The following RASA3 variants were observed in gnomAD, a reference collection of about 807,000 sequenced individuals.
RASA3 encodes the protein ras GTPase-activating protein 3.
Under a neutral mutation model 110.0 loss-of-function variants are expected in RASA3, and 73 were observed. That is an observed-to-expected ratio of 0.66 (90% CI 0.55 to 0.81). The LOEUF is 0.81. Among genes scored for constraint, RASA3 ranks in the 30% least tolerant of loss-of-function variants. The pLI is 0.00. For missense variants in RASA3, 976 were observed against 1,113.2 expected (o/e 0.88, Z 1.75); for synonymous variants, 500 against 451.4 (o/e 1.11, Z -1.37).
At chr13:114,013,424 CCT>C (rs1224569246) in intron 14 of RASA3, among the ~76,000 whole-genome samples, 176 bp from the exon 15 acceptor site, 2 of 135,060 alleles carry the variant, frequency 1.5e-5, no homozygotes, top group East Asian at 2.1e-4. Context: ...TCTCTGTTTC[CCT>C]CTCTCTCTCC....
chr13:114,041,828 C>G (rs571618301), intron 3 of RASA3, among the ~76,000 whole-genome samples: 1 of 152,178 alleles, frequency 6.6e-6, no homozygotes, highest in Non-Finnish European at 1.5e-5. Flanking sequence ...AATGAATGAG[C>G]CGCCTTCTGG....
In RASA3 at chr13:114,111,046, C is replaced by T. The variant is rs9562116; in HGVS notation, c.55+21389G>A. Among the ~76,000 whole-genome samples the T allele has an allele frequency of 1.8e-4, 12 of 66,796 alleles. 1 individual carries two copies. The highest frequency in any genetic ancestry group is 1.2e-3 in the Admixed American group (9 of 7,710). The allele number at this position is 66,796 out of a possible 152,430, so 43.8% of individuals were successfully genotyped here. ...GGAACGGCACAAACGAGCTGCAGGC[C>T]GAGTTCTAACGGGCTGAGCCTCAAA... is the stretch of plus-strand genomic sequence containing the variant. On this transcript the variant is annotated intron_variant, in intron 1 of 23. Transcript: ENST00000334062.
chr13:114,010,251 C>G (rs1320090311), intron 16 of RASA3, among the ~76,000 whole-genome samples: 1 of 152,138 alleles, frequency 6.6e-6, no homozygotes, highest in Non-Finnish European at 1.5e-5. Flanking sequence ...GCCCTCATTT[C>G]TACCTGGGCC....
rs922595514 is a variant in RASA3, at chr13:114,000,783, G to A, written c.1849+43C>T. 7 of 1,402,278 alleles carry A rather than the reference G, an allele frequency of 5.0e-6. No homozygotes were observed. The South Asian group carries it at 6.9e-5, about 14-fold the overall frequency. The allele number at this position is 1,402,278 out of a possible 1,614,324, so 86.9% of individuals were successfully genotyped here. ...AAAGCAGACTCAGTCCCAGGGCCCA[G>A]CACGCTCCAGCAAGAGCCAGGGAAA... On this transcript the variant is annotated intron_variant, in intron 19 of 23. Coordinates refer to ENST00000334062, the MANE Select transcript of RASA3 (RefSeq NM_007368.4).
chr13:114,064,059 ATT>A (rs2079405512), intron 2 of RASA3, among the ~76,000 whole-genome samples: 1 of 152,202 alleles, frequency 6.6e-6, no homozygotes, highest in Non-Finnish European at 1.5e-5. Context: ...TAAAAGACAT[ATT>A]ATTTCACAAC....
chr13:114,083,477 G>A (rs923793268), intron 1 of RASA3, among the ~76,000 whole-genome samples: 1 of 152,266 alleles, frequency 6.6e-6, no homozygotes, highest in African/African-American at 2.4e-5. Flanking sequence ...CTGGAGCCCA[G>A]CAGCAATGGC....
At chr13:114,039,050 C>G (rs1415186282) in intron 4 of RASA3, among the ~76,000 whole-genome samples, 1 of 152,264 alleles carries the variant, frequency 6.6e-6, no homozygotes, top group East Asian at 1.9e-4. Flanking sequence ...CAAACCCACC[C>G]AGATGGGAAA....
Position 114,112,742 on chromosome 13 carries a change from G to A in RASA3, c.55+19693C>T, listed in dbSNP as rs183492854. ...TCCTTTCCCACAGCCAAGGTGCCCC[G>A]ACTGCCAGCGTCCACTCCCCGTGGG... On this transcript the variant is annotated intron_variant, in intron 1 of 23. Coordinates refer to ENST00000334062, the MANE Select transcript of RASA3 (RefSeq NM_007368.4). The surrounding 1 kb of genome is among the most constrained non-coding windows in gnomAD (Gnocchi z 4.8). Among the ~76,000 whole-genome samples the A allele has an allele frequency of 1.8e-4, 28 of 152,070 alleles. No homozygotes were observed. The East Asian group carries it at 5.3e-3, about 29-fold the overall frequency.
intron 3 of RASA3, among the ~76,000 whole-genome samples, chr13:114,045,156 G>A (rs1406319796): frequency 1.3e-5 from 2 of 152,184 alleles, no homozygotes; most frequent in African/African-American, 2.4e-5. Context: ...ATGCGTGTTC[G>A]TATCTCCAGA....
intron 1 of RASA3, among the ~76,000 whole-genome samples, chr13:114,121,958 T>C (rs1474511892): frequency 6.6e-6 from 1 of 152,234 alleles, no homozygotes; most frequent in African/African-American, 2.4e-5. Flanking sequence ...GGTGACTGGC[T>C]GAGGGGCACA....
At chr13:114,038,687 G>A (rs553353522) in intron 4 of RASA3, among the ~76,000 whole-genome samples, 28 of 152,330 alleles carry the variant, frequency 1.8e-4, no homozygotes, top group South Asian at 1.7e-3. Flanking sequence ...CGCAGAGGAT[G>A]AGGGTTGCCA....
intron 1 of RASA3, among the ~76,000 whole-genome samples, chr13:114,079,107 C>T (rs1023702405): frequency 5.4e-4 from 83 of 152,356 alleles, no homozygotes; most frequent in African/African-American, 1.9e-3. Flanking sequence ...AAGGCAGCCA[C>T]GGGTGAGGAC....
Position 114,053,089 on chromosome 13 carries a change from C to CTGACTGTACTTAAGAGTCCTCACTA in RASA3, c.174-935_174-934insTAGTGAGGACTCTTAAGTACAGTCA. Among the ~76,000 whole-genome samples the CTGACTGTACTTAAGAGTCCTCACTA allele has an allele frequency of 6.2e-5, 3 of 48,126 alleles. 1 individual carries two copies. In the South Asian group the frequency reaches 1.4e-3, roughly 23 times the overall value. 31.6% of individuals were successfully genotyped at this position (48,126 alleles called of 152,430 possible). On this transcript the variant is annotated intron_variant, in intron 2 of 23. Coordinates refer to ENST00000334062, the MANE Select transcript of RASA3 (RefSeq NM_007368.4). ...GCTGACTGTGCTTAGAGTCCTCGCT[C>CTGACTGTACTTAAGAGTCCTCACTA]CTGGGGGAGAGGCCCCCGCCGCTGA...
rs149194866 is a variant in RASA3, at chr13:114,029,813, T to C, written c.447A>G (p.Thr149=). 1.3e-4 allele frequency: 202 copies of C among 1,591,974 alleles called. 1 individual carries two copies. The East Asian group carries it at 4.6e-3, about 36-fold the overall frequency. Residue 149 remains threonine (T), a splice_region_variant and synonymous_variant, in exon 5 of 24, where the codon ACA becomes ACG. Transcript: ENST00000334062. ...TCTCTAGTGAGGACGTGTCTTACCGTGTGGCGAGCTTGTGGCAGACGACCC... is the reference window on the plus strand; with the variant it reads ...TCTCTAGTGAGGACGTGTCTTACCGCGTGGCGAGCTTGTGGCAGACGACCC... ...DTGVVCHKLA[T]RIVECQGLPI...
At position 113,981,836 on chromosome 13, in the gene RASA3, C is replaced by T; in HGVS notation, c.2268G>A (p.Val756=). The change falls in exon 23 of 24, where the codon GTG becomes GTA. Residue 756 remains valine (V), a synonymous_variant. Transcript: ENST00000334062. The part of the protein sequence containing the change: ...KMQEACGSKS[V]YDGPEQEEYS... ...ACTCCTCCTGCTCCGGGCCGTCATA[C>T]ACAGATTTGCTCCCACAGGCCTCTG... is the stretch of plus-strand genomic sequence containing the variant. 1 of 1,613,882 alleles carries T rather than the reference C, an allele frequency of 6.2e-7. No homozygotes were observed. Among genetic ancestry groups the T allele is most frequent in the Non-Finnish European group, 8.5e-7 (1 of 1,179,944 alleles).
chr13:114,051,160 G>A (rs1452574601), intron 3 of RASA3, among the ~76,000 whole-genome samples: 1 of 152,190 alleles, frequency 6.6e-6, no homozygotes, highest in African/African-American at 2.4e-5. Context: ...GTCCCCCTGG[G>A]GGACTCCTCC....
chr13:114,121,430 G>A (rs771358456), intron 1 of RASA3, among the ~76,000 whole-genome samples: 3 of 152,150 alleles, frequency 2.0e-5, no homozygotes, highest in Non-Finnish European at 4.4e-5. Context: ...CACGGATCTC[G>A]GCTAAAGGAA....
chr13:114,040,962 C>A, intron 4 of RASA3, 38 bp downstream of exon 4: 1 of 1,602,614 alleles, frequency 6.2e-7, no homozygotes, highest in South Asian at 1.1e-5. Flanking sequence ...CATGGTGTCC[C>A]AGGGCTCTGG....
chr13:114,087,732 A>G (rs1428573627), intron 1 of RASA3, among the ~76,000 whole-genome samples: 1 of 152,238 alleles, frequency 6.6e-6, no homozygotes, highest in African/African-American at 2.4e-5. Context: ...AACCCATTTC[A>G]GTGACAGATA....
Sources: allele counts gnomAD v4.1 joint callset (sites outside exome capture counted in the v4.1 genomes callset), GRCh38; gene constraint gnomAD v4.1.1; non-coding constraint Gnocchi (gnomAD v3.1); transcripts MANE v1.5; gene names NCBI Gene and HGNC (gene_info 2026-07-23, HGNC 2026-07-21).